CTNNA2: variants seen among roughly 807,000 people sequenced by gnomAD.
CTNNA2 encodes the protein catenin alpha-2.
In CTNNA2, 42 loss-of-function variants were observed where a neutral mutation model predicts 101.0. That is an observed-to-expected ratio of 0.42 (90% CI 0.32 to 0.54). The LOEUF (loss-of-function observed/expected upper bound fraction) is 0.54. Ranked by LOEUF, CTNNA2 falls within the 20% of genes least tolerant of loss-of-function variation. CTNNA2 has a pLI of 0.14. For missense variants in CTNNA2, 871 were observed against 1,223.1 expected (o/e 0.71, Z 4.29); for synonymous variants, 450 against 456.4 (o/e 0.99, Z 0.18).
intron 7 of CTNNA2, among the ~76,000 whole-genome samples, chr2:80,074,646 C>A (rs986699754): frequency 1.3e-5 from 2 of 152,094 alleles, no homozygotes; most frequent in Admixed American, 1.3e-4. Flanking sequence ...AGAGCTCTTC[C>A]CCCTCAGTGA....
At chr2:80,091,414 C>T (rs1246651078) in intron 7 of CTNNA2, among the ~76,000 whole-genome samples, 1 of 152,086 alleles carries the variant, frequency 6.6e-6, no homozygotes, top group Non-Finnish European at 1.5e-5. Flanking sequence ...GGAAAATGAG[C>T]TGATATGATG....
intron 3 of CTNNA2, among the ~76,000 whole-genome samples, chr2:79,851,737 C>CTTTTTTTTTTTTTTTTTTTTT (rs11399192): frequency 5.7e-5 from 5 of 87,126 alleles, no homozygotes; most frequent in Non-Finnish European, 1.0e-4. Context: ...TTTTCTTTTC[C>CTTTTTTTTTTTTTTTTTTTTT]TTTTTTTTTT....
At chr2:79,451,499 G>A (rs993416738) in intron 4 of CTNNA2, among the ~76,000 whole-genome samples, 2 of 151,900 alleles carry the variant, frequency 1.3e-5, no homozygotes, top group African/African-American at 4.8e-5. Flanking sequence ...GGAACATATG[G>A]TCAAGAGGTT....
At chr2:79,402,241 G>A (rs924619363) in intron 4 of CTNNA2, among the ~76,000 whole-genome samples, 1 of 151,830 alleles carries the variant, frequency 6.6e-6, no homozygotes. Context: ...AATAATGGAT[G>A]GAATAACTGG....
rs546268970 is a variant in CTNNA2 at position 80,318,917 on chromosome 2, G to A, written c.1057-74294G>A. Among the ~76,000 whole-genome samples the A allele has an allele frequency of 1.1e-3, 161 of 152,256 alleles. 1 individual carries two copies. The highest frequency in any genetic ancestry group is 3.3e-3 in the African/African-American group (138 of 41,554). ...TTACACTAGACAGTCAACATTGGCA[G>A]TATCAGAATGATCCTAGAAGAGGTT... is the stretch of plus-strand genomic sequence containing the variant. On this transcript the variant is annotated intron_variant, in intron 7 of 18. Coordinates refer to ENST00000402739, the MANE Select transcript of CTNNA2 (RefSeq NM_001282597.3).
At position 80,305,713 on chromosome 2, in the gene CTNNA2, A is replaced by T. The variant is rs530450273; in HGVS notation, c.1057-87498A>T. ...GAGCTCTCCCCCCACCTCCCCACAC[A>T]CACACCTTGTGCCTACTGGTCTGTA... On this transcript the variant is annotated intron_variant, in intron 7 of 18. Transcript: ENST00000402739. Among the ~76,000 whole-genome samples the T allele has an allele frequency of 5.3e-5, 8 of 151,786 alleles. No homozygotes were observed. The East Asian group carries it at 1.4e-3, about 26-fold the overall frequency.
intron 7 of CTNNA2, among the ~76,000 whole-genome samples, chr2:80,154,295 A>G (rs1703876180): frequency 6.6e-6 from 1 of 152,018 alleles, no homozygotes; most frequent in South Asian, 2.1e-4. Flanking sequence ...GCCTCTAGCT[A>G]TTGGAAAGGT....
intron 3 of CTNNA2, among the ~76,000 whole-genome samples, chr2:79,834,510 T>C (rs1253831325): frequency 6.6e-6 from 1 of 152,126 alleles, no homozygotes; most frequent in African/African-American, 2.4e-5. Flanking sequence ...CTTCAGTTGG[T>C]ATGCTTTTCA....
At chr2:80,415,145 C>T (rs992559595) in intron 8 of CTNNA2, among the ~76,000 whole-genome samples, 2 of 152,170 alleles carry the variant, frequency 1.3e-5, no homozygotes, top group Admixed American at 6.5e-5. Context: ...TAATAATGCA[C>T]AATACTGGGT....
intron 7 of CTNNA2, among the ~76,000 whole-genome samples, chr2:80,098,868 G>A (rs540129182): frequency 3.9e-5 from 6 of 152,102 alleles, no homozygotes; most frequent in Non-Finnish European, 7.4e-5. Flanking sequence ...CGCAGTATTC[G>A]GGTGGAAGTA....
At position 79,874,015 on chromosome 2, in the gene CTNNA2, G is replaced by A; in HGVS notation, c.586-61G>A. ...CTAAGAGTCTGTGACTCCAAACTGT[G>A]TTGCAAATATTTCTATGCAAATTTC... is the stretch of plus-strand genomic sequence containing the variant. On this transcript the variant is annotated intron_variant, in intron 5 of 18. Transcript: ENST00000402739. 3 of 1,589,550 alleles carry A rather than the reference G, an allele frequency of 1.9e-6. No homozygotes were observed. In the South Asian group the frequency reaches 3.4e-5, roughly 18 times the overall value.
chr2:80,470,457 G>A (rs138747811), intron 9 of CTNNA2, among the ~76,000 whole-genome samples: 3 of 152,148 alleles, frequency 2.0e-5, no homozygotes, highest in Non-Finnish European at 4.4e-5. Context: ...TTCCAAATTT[G>A]GATTTTTGTT....
intron 7 of CTNNA2, among the ~76,000 whole-genome samples, chr2:80,242,340 G>A (rs1671005000): frequency 6.6e-6 from 1 of 152,144 alleles, no homozygotes; most frequent in South Asian, 2.1e-4. Flanking sequence ...TATAATTAAG[G>A]ACCTTGTTAC....
rs1573443616 is a variant in CTNNA2 at position 80,608,493 on chromosome 2, A to G, written c.2430+175A>G. ...ACCTTACAATAACTCACAAAGAGCAATTTGATTTTCCAATTACCCTGTGTT... is the reference window on the plus strand; with the variant it reads ...ACCTTACAATAACTCACAAAGAGCAGTTTGATTTTCCAATTACCCTGTGTT... On this transcript the variant is annotated intron_variant, in intron 17 of 18. Transcript: ENST00000402739. 1.1e-5 allele frequency: 6 copies of G among 548,842 alleles called. No individual in the cohort carries two copies. In the East Asian group the frequency reaches 1.9e-4, roughly 18 times the overall value. The allele number at this position is 548,842 out of a possible 1,614,324, so 34.0% of individuals were successfully genotyped here.
In CTNNA2 at chr2:80,547,171, C is replaced by G. The variant is rs543641997; in HGVS notation, c.1540+1108C>G. 6.6e-5 allele frequency among the ~76,000 whole-genome samples: 10 copies of G among 152,280 alleles called. 1 individual carries two copies. In the South Asian group the frequency reaches 1.0e-3, roughly 16 times the overall value. ...ATAATAAATTCCCACTGGGGCTTGT[C>G]TGAGAACTGTGTAGTCAAATCTGTA... On this transcript the variant is annotated intron_variant, in intron 11 of 18. Coordinates refer to ENST00000402739, the MANE Select transcript of CTNNA2 (RefSeq NM_001282597.3).
rs577828025 is a variant in CTNNA2 at position 79,661,104 on chromosome 2, A to G, written c.102+9446A>G. On this transcript the variant is annotated intron_variant, in intron 2 of 18. Coordinates refer to ENST00000402739, the MANE Select transcript of CTNNA2 (RefSeq NM_001282597.3). ...CACACACCACCCTGTGCCATGTGAT[A>G]AGTCACTTCTTTCCTCACCTTCAGA... Among the ~76,000 whole-genome samples, 12 of 152,276 alleles carry G rather than the reference A, an allele frequency of 7.9e-5. No individual in the cohort carries two copies. In the South Asian group the frequency reaches 1.0e-3, roughly 13 times the overall value.
chr2:79,691,328 T>G (rs6547257), intron 2 of CTNNA2, among the ~76,000 whole-genome samples: 1 of 151,168 alleles, frequency 6.6e-6, no homozygotes, highest in East Asian at 2.0e-4. Context: ...CTCCTACATT[T>G]CCTTGGGAGT....
intron 7 of CTNNA2, among the ~76,000 whole-genome samples, chr2:80,323,303 G>A (rs1300737974): frequency 6.6e-6 from 1 of 152,116 alleles, no homozygotes; most frequent in Non-Finnish European, 1.5e-5. Flanking sequence ...GTTTTGAGGC[G>A]GTCTCCCTAG....
Position 80,574,181 on chromosome 2 carries a change from A to G in CTNNA2, c.1760A>G (p.Glu587Gly), listed in dbSNP as rs1423465281. 1 of 1,612,804 alleles carries G rather than the reference A, an allele frequency of 6.2e-7. No homozygotes were observed. The highest frequency in any genetic ancestry group is 8.5e-7 in the Non-Finnish European group (1 of 1,179,362). ...LSETVMPRFAEQVEVAIEALS... is the reference protein window; with the variant it reads ...LSETVMPRFAGQVEVAIEALS... ...AACCCAGTGATGCCACGCTTCGCTGAACAAGTAGAGGTTGCCATTGAAGCC... is the reference window on the plus strand; with the variant it reads ...AACCCAGTGATGCCACGCTTCGCTGGACAAGTAGAGGTTGCCATTGAAGCC... Residue 587 changes from glutamate to glycine, a missense_variant, in exon 13 of 19, where the codon GAA (glutamate) becomes GGA (glycine). Physicochemically the swap from Glu to Gly is moderately conservative, Grantham distance 98 (BLOSUM62 -2). Around this residue, in one of 5 missense-constraint regions of CTNNA2, gnomAD observed 647 missense variants for 831.5 expected, o/e 0.78. Coordinates refer to ENST00000402739, the MANE Select transcript of CTNNA2 (RefSeq NM_001282597.3).
Sources: gnomAD v4.1 joint callset for allele counts (sites outside exome capture counted in the v4.1 genomes callset) on GRCh38, gnomAD v4.1.1 for gene constraint, gnomAD v4.1.1 regional missense constraint, MANE v1.5 for transcripts, NCBI Gene and HGNC (gene_info 2026-07-23, HGNC 2026-07-21) for gene names.